Variants in CADM1 observed in about 807,000 individuals in gnomAD.
CADM1 encodes cell adhesion molecule 1.
A neutral mutation model predicts 53.1 loss-of-function variants in CADM1; 15 were observed. The observed-to-expected ratio is 0.28, with a 90% CI of 0.19 to 0.44. The LOEUF (loss-of-function observed/expected upper bound fraction) is 0.44. Ranked by LOEUF, CADM1 falls within the 20% of genes least tolerant of loss-of-function variation. The pLI is 1.00. For synonymous variants in CADM1, 281 were observed against 243.0 expected (o/e 1.16, Z -1.45); for missense variants, 434 against 611.3 (o/e 0.71, Z 3.06).
intron 1 of CADM1, among the ~76,000 whole-genome samples, chr11:115,460,025 C>G (rs76833649): frequency 6.6e-6 from 1 of 152,118 alleles, no homozygotes; most frequent in Admixed American, 6.5e-5. Flanking sequence ...TGCTTTGGAA[C>G]CTGCAAAGCA....
At chr11:115,475,619 A>G (rs1565445805) in intron 1 of CADM1, among the ~76,000 whole-genome samples, 1 of 152,268 alleles carries the variant, frequency 6.6e-6, no homozygotes. Context: ...AGATAGGTAC[A>G]TAGAGTAACA....
intron 1 of CADM1, among the ~76,000 whole-genome samples, chr11:115,327,519 A>C: frequency 8.3e-6 from 1 of 120,000 alleles, no homozygotes; most frequent in Admixed American, 8.4e-5. Context: ...AATACATAAG[A>C]GTTTTTTTTT....
In CADM1 at chr11:115,501,460, GATCA is replaced by G. The variant is rs1260833992; in HGVS notation, c.124+2807_124+2810del. ...ATCCTGAAAATGATAAGAGGGGGGT[GATCA>G]GCTACTGGTTCACTCGGGATCGTAA... On this transcript the variant is annotated intron_variant, in intron 1 of 11. Coordinates refer to ENST00000331581, the MANE Select transcript of CADM1 (RefSeq NM_001301043.2). Among the ~76,000 whole-genome samples the G allele has an allele frequency of 2.6e-5, 4 of 152,124 alleles. No homozygotes were observed. The South Asian group carries it at 8.3e-4, about 32-fold the overall frequency.
intron 1 of CADM1, among the ~76,000 whole-genome samples, chr11:115,356,193 T>C (rs1282297206): frequency 6.6e-6 from 1 of 150,412 alleles, no homozygotes; most frequent in African/African-American, 2.4e-5. Context: ...ATGAAATTAA[T>C]ATTCTATATT....
chr11:115,359,843 T>C (rs1945981503), intron 1 of CADM1, among the ~76,000 whole-genome samples: 1 of 152,198 alleles, frequency 6.6e-6, no homozygotes, highest in Non-Finnish European at 1.5e-5. Context: ...GTTTGAGACC[T>C]ACGAAAATAA....
At chr11:115,278,970 G>C (rs1355267096) in intron 1 of CADM1, among the ~76,000 whole-genome samples, 1 of 152,170 alleles carries the variant, frequency 6.6e-6, no homozygotes, top group African/African-American at 2.4e-5. Flanking sequence ...CGTGGGCAGG[G>C]AAAAGTAGAT....
chr11:115,399,544 T>C (rs945129065), intron 1 of CADM1: 18 of 152,314 alleles, frequency 1.2e-4, no homozygotes, highest in African/African-American at 3.8e-4. Context: ...AACACCATTA[T>C]TGTAAATGTA....
chr11:115,198,521 G>A, intron 8 of CADM1, 83 bp from the exon 9 acceptor site: 2 of 1,023,144 alleles, frequency 2.0e-6, no homozygotes, highest in Non-Finnish European at 3.0e-6. Context: ...AAAAAAAATG[G>A]AACAGATAAT....
Position 115,313,013 on chromosome 11 carries a change from G to GA in CADM1, c.125-72594dup, listed in dbSNP as rs760815656. ...GTAAATGATTTTTTAGATCCTTGGA[G>GA]AAAAAAAAAACTAGAAAAGCAGCAA... On this transcript the variant is annotated intron_variant, in intron 1 of 11. Transcript: ENST00000331581. Among the ~76,000 whole-genome samples, 438 of 147,950 alleles carry GA rather than the reference G, an allele frequency of 3.0e-3. 3 individuals carry two copies. The highest frequency in any genetic ancestry group is 9.3e-3 in the African/African-American group (376 of 40,484).
intron 1 of CADM1, among the ~76,000 whole-genome samples, chr11:115,475,226 A>G (rs1363987709): frequency 6.6e-6 from 1 of 152,140 alleles, no homozygotes; most frequent in African/African-American, 2.4e-5. Context: ...TAGTTGTTAT[A>G]CTATATTTTT....
At position 115,381,409 on chromosome 11, in the gene CADM1, G is replaced by A. The variant is rs919151964; in HGVS notation, c.124+122862C>T. Reference sequence around the variant, plus strand: ...CAGGGTCAACTCTATTCTAACTACAGAGGAATAACAACAGGAAAGCAGACA... The same window carrying A: ...CAGGGTCAACTCTATTCTAACTACAAAGGAATAACAACAGGAAAGCAGACA... On this transcript the variant is annotated intron_variant, in intron 1 of 11. Coordinates refer to ENST00000331581, the MANE Select transcript of CADM1 (RefSeq NM_001301043.2). 7.9e-5 allele frequency among the ~76,000 whole-genome samples: 12 copies of A among 152,144 alleles called. No homozygotes were observed. In the East Asian group the frequency reaches 2.3e-3, roughly 29 times the overall value.
rs1160080914 is a variant in CADM1 at position 115,177,122 on chromosome 11, CAAGT to C, written c.1298-534_1298-531del. Among the ~76,000 whole-genome samples the C allele has an allele frequency of 2.6e-5, 4 of 152,182 alleles. No individual in the cohort carries two copies. In the East Asian group the frequency reaches 7.7e-4, roughly 29 times the overall value. On this transcript the variant is annotated intron_variant, in intron 11 of 11. Coordinates refer to ENST00000331581, the MANE Select transcript of CADM1 (RefSeq NM_001301043.2). The stretch of plus-strand genomic sequence containing the variant: ...AGGTGAGAAGGTGCTTGAACTTGCA[CAAGT>C]ATGTTTGATTTTCCTGTCTTCCACT...
intron 1 of CADM1, among the ~76,000 whole-genome samples, chr11:115,274,316 G>C (rs567795529): frequency 6.6e-6 from 1 of 152,196 alleles, no homozygotes; most frequent in African/African-American, 2.4e-5. Flanking sequence ...GCTTAAGCAC[G>C]AGCACCAGGC....
intron 1 of CADM1, among the ~76,000 whole-genome samples, chr11:115,492,555 C>T (rs1332400560): frequency 6.6e-6 from 1 of 151,976 alleles, no homozygotes; most frequent in Non-Finnish European, 1.5e-5. Flanking sequence ...GAACATGATA[C>T]TCATCTACCC....
At chr11:115,273,922 A>G (rs45451094) in intron 1 of CADM1, among the ~76,000 whole-genome samples, 2,284 of 152,328 alleles carry the variant, frequency 0.015, 46 homozygotes, top group African/African-American at 0.051. Flanking sequence ...ATTACATACT[A>G]GAGTGTTGGT....
At chr11:115,375,353 C>G (rs915127990) in intron 1 of CADM1, among the ~76,000 whole-genome samples, 1 of 152,076 alleles carries the variant, frequency 6.6e-6, no homozygotes, top group African/African-American at 2.4e-5. Flanking sequence ...AGGAAGGAAG[C>G]GCAGTAATTT....
intron 10 of CADM1, among the ~76,000 whole-genome samples, chr11:115,183,542 C>CGT (rs1939409177): frequency 6.6e-6 from 1 of 152,122 alleles, no homozygotes; most frequent in South Asian, 2.1e-4. Flanking sequence ...TGCTGCCTGC[C>CGT]CACCCTGAAG....
At chr11:115,383,431 G>C (rs983666060) in intron 1 of CADM1, among the ~76,000 whole-genome samples, 1 of 152,210 alleles carries the variant, frequency 6.6e-6, no homozygotes, top group African/African-American at 2.4e-5. Context: ...CATGTTAATG[G>C]CTAATTAGGA....
At chr11:115,246,025 T>C (rs903526359) in intron 1 of CADM1, among the ~76,000 whole-genome samples, 8 of 152,204 alleles carry the variant, frequency 5.3e-5, no homozygotes, top group Non-Finnish European at 8.8e-5. Flanking sequence ...TCTATTTAAA[T>C]ATTACAGTAA....
Sources: allele counts gnomAD v4.1 joint callset (sites outside exome capture counted in the v4.1 genomes callset), GRCh38; gene constraint gnomAD v4.1.1; transcripts MANE v1.5; gene names NCBI Gene and HGNC (gene_info 2026-07-23, HGNC 2026-07-21).